The following ZBTB20 variants were observed in gnomAD, a reference collection of about 807,000 sequenced individuals.
The protein encoded by ZBTB20 is zinc finger and BTB domain-containing protein 20.
ZBTB20 carries 9 observed loss-of-function variants against 56.9 expected under a neutral mutation model. The observed-to-expected ratio is 0.16, with a 90% CI of 0.10 to 0.28. The LOEUF is 0.28. Ranked by LOEUF, ZBTB20 falls within the 10% of genes least tolerant of loss-of-function variation. ZBTB20 has a pLI of 1.00. For synonymous variants in ZBTB20, 417 were observed against 420.7 expected, an observed-to-expected ratio of 0.99 and a Z score of 0.11; for missense variants, 655 against 1,003.0, an observed-to-expected ratio of 0.65 and a Z score of 4.69.
intron 7 of ZBTB20, among the ~76,000 whole-genome samples, chr3:114,418,433 A>C (rs2088804360): frequency 6.6e-6 from 1 of 152,054 alleles, no homozygotes; most frequent in Admixed American, 6.6e-5. Flanking sequence ...AGTTGTGGCC[A>C]TACATTCACT....
intron 4 of ZBTB20, among the ~76,000 whole-genome samples, chr3:114,875,472 C>T (rs1171929120): frequency 6.6e-6 from 1 of 152,170 alleles, no homozygotes; most frequent in Non-Finnish European, 1.5e-5. Flanking sequence ...TACCCATACA[C>T]ATCTCCCTCA....
intron 1 of ZBTB20, among the ~76,000 whole-genome samples, chr3:115,097,032 G>A (rs1576769489): frequency 6.6e-6 from 1 of 152,090 alleles, no homozygotes; most frequent in African/African-American, 2.4e-5. Flanking sequence ...AAACCCTAAT[G>A]AGTAAAATCC....
chr3:114,637,367 A>G (rs573100369), intron 6 of ZBTB20, among the ~76,000 whole-genome samples: 2 of 152,106 alleles, frequency 1.3e-5, no homozygotes, highest in African/African-American at 4.8e-5. Context: ...GTTAAAGATT[A>G]TTGTTTGTGT....
At chr3:115,147,151 C>T (rs2085028225) in intron 1 of ZBTB20, 68 bp downstream of exon 1, 1 of 148,784 alleles carries the variant, frequency 6.7e-6, no homozygotes, top group Admixed American at 6.7e-5. Context: ...GCCTCATCCC[C>T]CTCGGCACGC....
intron 2 of ZBTB20, among the ~76,000 whole-genome samples, chr3:115,029,545 T>C (rs2080577357): frequency 6.6e-6 from 1 of 150,684 alleles, no homozygotes; most frequent in African/African-American, 2.4e-5. Flanking sequence ...AGAGAAAAAA[T>C]AGGCTGGAAA....
intron 10 of ZBTB20, among the ~76,000 whole-genome samples, chr3:114,361,661 G>A (rs1270468177): frequency 6.6e-6 from 1 of 152,192 alleles, no homozygotes; most frequent in East Asian, 1.9e-4. Flanking sequence ...CCCAGAATGG[G>A]TAAGGAGAGT....
chr3:114,758,367 T>C (rs909271103), intron 5 of ZBTB20, among the ~76,000 whole-genome samples: 3 of 152,158 alleles, frequency 2.0e-5, no homozygotes, highest in Admixed American at 6.6e-5. Flanking sequence ...GACCACACAA[T>C]TGACAATAAG....
chr3:114,965,717 G>C (rs185261006), intron 3 of ZBTB20, among the ~76,000 whole-genome samples: 1 of 152,154 alleles, frequency 6.6e-6, no homozygotes, highest in Admixed American at 6.5e-5. Context: ...GTGTGAGGTG[G>C]TACTCACTGT....
At chr3:114,508,210 G>T (rs1195948792) in intron 6 of ZBTB20, among the ~76,000 whole-genome samples, 1 of 152,102 alleles carries the variant, frequency 6.6e-6, no homozygotes, top group Admixed American at 6.6e-5. Context: ...TGACCAAAAT[G>T]TGCCCCATAT....
chr3:114,477,315 G>A (rs1391234939), intron 7 of ZBTB20, among the ~76,000 whole-genome samples: 1 of 152,004 alleles, frequency 6.6e-6, no homozygotes, highest in Non-Finnish European at 1.5e-5. Flanking sequence ...CATGTTTGAT[G>A]TGTACTATCT....
At chr3:114,922,105 G>A (rs1292702447) in intron 3 of ZBTB20, among the ~76,000 whole-genome samples, 4 of 152,114 alleles carry the variant, frequency 2.6e-5, no homozygotes, top group East Asian at 1.9e-4. Flanking sequence ...ATAACAGTGC[G>A]GGAAAAGCAC....
chr3:114,548,453 G>A (rs1443604160), intron 6 of ZBTB20, among the ~76,000 whole-genome samples: 1 of 151,966 alleles, frequency 6.6e-6, no homozygotes, highest in Non-Finnish European at 1.5e-5. Flanking sequence ...CTACAGGTGT[G>A]CCAAAAGGAT....
At chr3:114,883,797 T>A (rs1388378390) in intron 4 of ZBTB20, among the ~76,000 whole-genome samples, 1 of 152,016 alleles carries the variant, frequency 6.6e-6, no homozygotes, top group African/African-American at 2.4e-5. Flanking sequence ...TGCACTGTGG[T>A]ATTTCTAAGA....
intron 8 of ZBTB20, chr3:114,387,142 T>C (rs1231497910): frequency 4.0e-5 from 4 of 100,488 alleles, no homozygotes; most frequent in South Asian, 4.3e-4. Flanking sequence ...CTGAGCATTA[T>C]TGTGCAGGTG....
At chr3:114,796,285 C>T (rs2071336840) in intron 5 of ZBTB20, among the ~76,000 whole-genome samples, 1 of 151,876 alleles carries the variant, frequency 6.6e-6, no homozygotes, top group East Asian at 1.9e-4. Context: ...GAATGATGGA[C>T]ATTCCAGATG....
chr3:114,930,752 C>T, intron 3 of ZBTB20: 2 of 264,120 alleles, frequency 7.6e-6, no homozygotes, highest in Non-Finnish European at 1.6e-5. Context: ...AAGGAAGATG[C>T]AGTTGTACAG....
At chr3:114,740,947 G>A (rs541622553) in intron 5 of ZBTB20, among the ~76,000 whole-genome samples, 139 of 152,204 alleles carry the variant, frequency 9.1e-4, no homozygotes, top group Non-Finnish European at 1.7e-3. Context: ...ATAGAAATAC[G>A]AAACTTTAGA....
At chr3:114,635,784 A>G (rs1233504664) in intron 6 of ZBTB20, among the ~76,000 whole-genome samples, 1 of 151,994 alleles carries the variant, frequency 6.6e-6, no homozygotes, top group African/African-American at 2.4e-5. Context: ...ATGAAAAGTG[A>G]GGAAAGCCTA....
chr3:114,472,450 C>T (rs1180143746), intron 7 of ZBTB20, among the ~76,000 whole-genome samples: 1 of 152,176 alleles, frequency 6.6e-6, no homozygotes, highest in Non-Finnish European at 1.5e-5. Flanking sequence ...TGGCTCATGC[C>T]TTTAATCTCA....
Sources: gnomAD v4.1 joint callset for allele counts (sites outside exome capture counted in the v4.1 genomes callset) on GRCh38, gnomAD v4.1.1 for gene constraint, MANE v1.5 for transcripts, NCBI Gene and HGNC (gene_info 2026-07-23, HGNC 2026-07-21) for gene names.